Variants in CD36 observed in about 807,000 individuals in gnomAD.
The protein encoded by CD36 is CD36 molecule (CD36 blood group).
Under a neutral mutation model 55.2 loss-of-function variants are expected in CD36, and 119 were observed. The ratio of observed to expected loss-of-function variants is 2.15; its 90% CI spans 1.86 to 2.51. CD36 has a LOEUF of 2.51. Among genes scored for constraint, CD36 ranks in the 30% most tolerant of loss-of-function variants. The pLI is 0.00. For missense variants in CD36, 819 were observed against 555.5 expected, an observed-to-expected ratio of 1.47 and a Z score of -4.77; for synonymous variants, 186 against 193.6, an observed-to-expected ratio of 0.96 and a Z score of 0.33.
In CD36 at chr7:80,647,175, T is replaced by G. The variant is rs3211808; in HGVS notation, c.120+315T>G. On this transcript the variant is annotated intron_variant, in intron 3 of 14. Transcript: ENST00000447544. The stretch of plus-strand genomic sequence containing the variant: ...TCCAAAGAGCATGTTGGCATGCTTT[T>G]GAGTAGGAAATAAGTGAGTATATTT... 7.8e-5 allele frequency: 26 copies of G among 332,878 alleles called. No individual in the cohort carries two copies. In the East Asian group the frequency reaches 1.8e-3, roughly 23 times the overall value. 20.6% of individuals were successfully genotyped at this position (332,878 alleles called of 1,614,324 possible).
intron 11 of CD36, among the ~76,000 whole-genome samples, chr7:80,672,280 A>G (rs1797764569): frequency 6.6e-6 from 1 of 151,848 alleles, no homozygotes. Context: ...ATATTATGCA[A>G]AAGTCAAAGA....
At chr7:80,610,300 C>T (rs1792805305) in intron 1 of CD36, among the ~76,000 whole-genome samples, 1 of 152,110 alleles carries the variant, frequency 6.6e-6, no homozygotes, top group African/African-American at 2.4e-5. Context: ...GTATGTCTCA[C>T]CTCAGACTAC....
chr7:80,623,079 T>G (rs1186700060), intron 1 of CD36, among the ~76,000 whole-genome samples: 1 of 151,998 alleles, frequency 6.6e-6, no homozygotes, highest in Non-Finnish European at 1.5e-5. Context: ...TTCATAAATC[T>G]CTGATACCAT....
chr7:80,662,868 C>A, intron 5 of CD36, 122 bp from the exon 6 acceptor site: 1 of 786,242 alleles, frequency 1.3e-6, no homozygotes. Flanking sequence ...CAGGATCTGG[C>A]AGTAATTTTA....
chr7:80,613,088 G>C (rs1792963281), intron 1 of CD36, among the ~76,000 whole-genome samples: 1 of 152,038 alleles, frequency 6.6e-6, no homozygotes, highest in South Asian at 2.1e-4. Context: ...GAGGAGGGGA[G>C]ATAAGGCTAT....
At chr7:80,618,381 A>G (rs1243110356) in intron 1 of CD36, among the ~76,000 whole-genome samples, 1 of 152,132 alleles carries the variant, frequency 6.6e-6, no homozygotes, top group Non-Finnish European at 1.5e-5. Context: ...TAACCCTACA[A>G]TGGCCTCTAA....
At chr7:80,647,071 T>C in intron 3 of CD36, 1 of 506,506 alleles carries the variant, frequency 2.0e-6, no homozygotes, top group East Asian at 3.8e-5. Context: ...TCCATTGCTG[T>C]CTTAAATATA....
Position 80,661,209 on chromosome 7 carries a change from C to T in CD36, c.428C>T (p.Ala143Val), listed in dbSNP as rs762965665. Residue 143 changes from alanine to valine, a missense_variant and splice_region_variant, in exon 5 of 15, where the codon GCA becomes GTA. Physicochemically the swap from Ala to Val is moderately conservative, Grantham distance 64. Transcript: ENST00000447544. ...DNFTVLNLAVAAASHIYQNQF... is the reference protein window; with the variant it reads ...DNFTVLNLAVVAASHIYQNQF... ...TTCACAGTTCTCAATCTGGCTGTGGCAGTGAGTAGACAAACAACAAAGTTA... is the reference window on the plus strand; with the variant it reads ...TTCACAGTTCTCAATCTGGCTGTGGTAGTGAGTAGACAAACAACAAAGTTA... 3 of 1,613,540 alleles carry T rather than the reference C, an allele frequency of 1.9e-6. No individual in the cohort carries two copies. Among genetic ancestry groups the T allele is most frequent in the South Asian group, 1.1e-5 (1 of 91,068 alleles).
At chr7:80,642,566 T>G (rs189855436) in intron 1 of CD36, among the ~76,000 whole-genome samples, 56 of 152,228 alleles carry the variant, frequency 3.7e-4, no homozygotes, top group Non-Finnish European at 1.5e-5. Context: ...TAAAACTAAT[T>G]ATAATTTTGT....
chr7:80,609,753 T>G (rs1316684651), intron 1 of CD36, among the ~76,000 whole-genome samples: 1 of 152,192 alleles, frequency 6.6e-6, no homozygotes, highest in Non-Finnish European at 1.5e-5. Context: ...ACACGTAATC[T>G]GAAGATTTCA....
intron 3 of CD36, 97 bp downstream of exon 3, chr7:80,646,957 G>C: frequency 7.5e-7 from 1 of 1,341,184 alleles, no homozygotes; most frequent in East Asian, 2.3e-5. Flanking sequence ...CATGGTAACT[G>C]CTAATTTTGT....
chr7:80,667,524 T>G lies in CD36; in HGVS notation c.748+1035T>G, dbSNP rs138362290. On this transcript the variant is annotated intron_variant, in intron 8 of 14. Coordinates refer to ENST00000447544, the MANE Select transcript of CD36 (RefSeq NM_001001548.3). ...TTTCAACTACTAGGAAACAAAAGCA[T>G]GAAGTTTAGAAAATTAGGGAATATC... 3.8e-3 allele frequency among the ~76,000 whole-genome samples: 575 copies of G among 150,240 alleles called. 4 individuals carry two copies. The highest frequency in any genetic ancestry group is 0.013 in the African/African-American group (543 of 40,868).
chr7:80,604,737 G>T (rs1333985856), intron 1 of CD36, among the ~76,000 whole-genome samples: 1 of 151,688 alleles, frequency 6.6e-6, no homozygotes, highest in Non-Finnish European at 1.5e-5. Context: ...GTGAAATGAG[G>T]ATAGTTTTTA....
At chr7:80,639,736 G>A (rs1321824250) in intron 1 of CD36, 1 of 151,924 alleles carries the variant, frequency 6.6e-6, no homozygotes, top group Non-Finnish European at 1.5e-5. Context: ...TGGTTCACAA[G>A]GAAGCCAAAA....
intron 1 of CD36, among the ~76,000 whole-genome samples, chr7:80,641,204 AT>A (rs1193410805): frequency 6.6e-6 from 1 of 152,036 alleles, no homozygotes; most frequent in Non-Finnish European, 1.5e-5. Flanking sequence ...TCTAAACATG[AT>A]TTTATAAAGA....
intron 1 of CD36, among the ~76,000 whole-genome samples, chr7:80,621,899 C>T (rs1249522846): frequency 6.6e-6 from 1 of 152,186 alleles, no homozygotes; most frequent in Admixed American, 6.5e-5. Context: ...ACGAGTTAAA[C>T]CCTCAGACTG....
intron 1 of CD36, chr7:80,633,068 T>G (rs955781138): frequency 6.6e-5 from 10 of 152,048 alleles, no homozygotes; most frequent in Admixed American, 2.0e-4. Flanking sequence ...TGCCTAAATG[T>G]TTCTGTTTTT....
At chr7:80,641,495 G>T (rs1398492174) in intron 1 of CD36, among the ~76,000 whole-genome samples, 2 of 152,052 alleles carry the variant, frequency 1.3e-5, no homozygotes, top group Non-Finnish European at 2.9e-5. Context: ...TGTATCAAGA[G>T]AATGGAAAAC....
rs1385635045 is a variant in CD36 at position 80,673,400 on chromosome 7, G to C, written c.1245G>C (p.Trp415Cys). 1 of 1,566,096 alleles carries C rather than the reference G, an allele frequency of 6.4e-7. No homozygotes were observed. Among genetic ancestry groups the C allele is most frequent in the Non-Finnish European group, 8.8e-7 (1 of 1,137,248 alleles). ...LKRNYIVPIL[W>C]LNETGTIGDE... The stretch of plus-strand genomic sequence containing the variant: ...GGAACTATATTGTGCCTATTCTTTG[G>C]CTTAATGAGGTTTGTATTTGCAGCT... Residue 415 changes from tryptophan to cysteine, a missense_variant, in exon 13 of 15, where the codon TGG becomes TGC. Trp to Cys is a radical substitution (Grantham distance 215). Transcript: ENST00000447544.
Sources: gnomAD v4.1 joint callset for allele counts (sites outside exome capture counted in the v4.1 genomes callset) on GRCh38, gnomAD v4.1.1 for gene constraint, MANE v1.5 for transcripts, NCBI Gene and HGNC (gene_info 2026-07-23, HGNC 2026-07-21) for gene names.